Variants in CAPS2 observed in about 807,000 individuals in gnomAD.
CAPS2 encodes calcyphosin-2.
CAPS2 carries 98 observed loss-of-function variants against 86.5 expected under a neutral mutation model. The ratio of observed to expected loss-of-function variants is 1.13; its 90% CI spans 0.96 to 1.34. The LOEUF is 1.34. Among genes scored for constraint, CAPS2 ranks in the 40% most tolerant of loss-of-function variants. CAPS2 has a pLI of 0.00. For synonymous variants in CAPS2, 210 were observed against 225.1 expected (o/e 0.93, Z 0.60); for missense variants, 729 against 686.8 (o/e 1.06, Z -0.69).
intron 15 of CAPS2, among the ~76,000 whole-genome samples, chr12:75,282,587 A>G (rs1055690828): frequency 1.3e-5 from 2 of 152,054 alleles, no homozygotes; most frequent in African/African-American, 2.4e-5. Flanking sequence ...GGGTTTCGCC[A>G]TGTTGGTCAG....
chr12:75,339,511 A>G (rs548514629), intron 1 of CAPS2, among the ~76,000 whole-genome samples: 2 of 152,166 alleles, frequency 1.3e-5, no homozygotes, highest in Middle Eastern at 6.8e-3. Flanking sequence ...AGATGGATAG[A>G]TTGCTAAAAT....
In CAPS2 at chr12:75,290,935, CA is replaced by C. The variant is rs113991969; in HGVS notation, c.1240+808del. Among the ~76,000 whole-genome samples the C allele has an allele frequency of 0.01, 371 of 36,904 alleles. 3 individuals carry two copies. The Middle Eastern group carries it at 0.14, about 14-fold the overall frequency. 24.2% of individuals were successfully genotyped at this position (36,904 alleles called of 152,430 possible). A position where few individuals can be genotyped will look rare whatever the true frequency, so the allele number is the denominator to read the frequency against. On this transcript the variant is annotated intron_variant, in intron 13 of 16. Coordinates refer to ENST00000393284, the Ensembl canonical transcript of CAPS2. ...CAAGGCTCTCTCTCAAAAAAAAAAA[CA>C]AAAAAAAAACATAAATTACATGTTA...
At chr12:75,285,190 T>A in intron 14 of CAPS2, 110 bp from the exon 15 acceptor site, 2 of 1,005,778 alleles carry the variant, frequency 2.0e-6, no homozygotes, top group Non-Finnish European at 2.7e-6. Flanking sequence ...ATAACTCATT[T>A]AATAAGAAAA....
chr12:75,384,491 A>G (rs1467486598), intron 1 of CAPS2, among the ~76,000 whole-genome samples: 1 of 152,242 alleles, frequency 6.6e-6, no homozygotes, highest in Admixed American at 6.5e-5. Context: ...TTCCTATTTA[A>G]GAAATTTAAT....
chr12:75,299,627 CTT>C (rs1488174065), intron 9 of CAPS2, among the ~76,000 whole-genome samples: 3 of 152,026 alleles, frequency 2.0e-5, no homozygotes, highest in South Asian at 2.1e-4. Flanking sequence ...TTAAAGATAA[CTT>C]TTAATTAGAA....
Position 75,380,470 on chromosome 12 carries a change from TTTGC to T in CAPS2, c.-395+10364_-395+10367del, listed in dbSNP as rs150818051. Among the ~76,000 whole-genome samples the T allele has an allele frequency of 1.4e-3, 218 of 152,308 alleles. 7 individuals are homozygous for T. In the East Asian group the frequency reaches 0.04, roughly 28 times the overall value. On this transcript the variant is annotated intron_variant, in intron 1 of 5. Coordinates refer to the CAPS2 transcript ENST00000551829. ...CTCACCTGTAGTTATATTCACTGGG[TTTGC>T]TTCTTGCAGCTAGGGAAACTACATT... is the stretch of plus-strand genomic sequence containing the variant.
At chr12:75,376,587 T>C (rs764856134) in intron 1 of CAPS2, among the ~76,000 whole-genome samples, 1 of 152,190 alleles carries the variant, frequency 6.6e-6, no homozygotes, top group South Asian at 2.1e-4. Context: ...GATGGCAGTA[T>C]GGATGCGAGA....
chr12:75,363,883 G>A (rs2043787420), intron 1 of CAPS2, among the ~76,000 whole-genome samples: 1 of 152,124 alleles, frequency 6.6e-6, no homozygotes, highest in Admixed American at 6.6e-5. Flanking sequence ...ATGTACATTA[G>A]TTCTGTCCAG....
At chr12:75,341,111 CT>C (rs1291491223) in intron 1 of CAPS2, among the ~76,000 whole-genome samples, 1 of 151,596 alleles carries the variant, frequency 6.6e-6, no homozygotes, top group African/African-American at 2.4e-5. Context: ...TTTCCTTTTT[CT>C]TTTTTCCTAG....
intron 1 of CAPS2, among the ~76,000 whole-genome samples, chr12:75,375,236 T>C (rs1382428649): frequency 6.6e-6 from 1 of 152,098 alleles, no homozygotes; most frequent in Non-Finnish European, 1.5e-5. Flanking sequence ...ACAAGATTCA[T>C]CCAGGGACCC....
chr12:75,366,821 A>G (rs546553125), intron 1 of CAPS2: 102 of 698,648 alleles, frequency 1.5e-4, no homozygotes, highest in African/African-American at 1.4e-3. Context: ...AGGGCTAAAA[A>G]TGCCAAGTGA....
chr12:75,383,652 T>C (rs553357986), intron 1 of CAPS2, among the ~76,000 whole-genome samples: 41 of 152,174 alleles, frequency 2.7e-4, no homozygotes, highest in Non-Finnish European at 5.1e-4. Flanking sequence ...AGTAAGGACA[T>C]AGTTAAACTC....
intron 1 of CAPS2, among the ~76,000 whole-genome samples, chr12:75,388,304 T>C (rs1292737841): frequency 6.6e-6 from 1 of 152,226 alleles, no homozygotes; most frequent in Admixed American, 6.5e-5. Flanking sequence ...CAAACCTCTT[T>C]CCTTTATAAA....
At chr12:75,383,210 C>T (rs1419350986) in intron 1 of CAPS2, among the ~76,000 whole-genome samples, 2 of 152,034 alleles carry the variant, frequency 1.3e-5, no homozygotes, top group African/African-American at 4.8e-5. Flanking sequence ...ATAATGGGAG[C>T]TGATTCACTG....
At chr12:75,380,120 A>G (rs2044877702) in intron 1 of CAPS2, among the ~76,000 whole-genome samples, 1 of 152,188 alleles carries the variant, frequency 6.6e-6, no homozygotes, top group South Asian at 2.1e-4. Context: ...ATTTAAAAAT[A>G]AGTGTTAAAG....
chr12:75,277,983 T>C lies in CAPS2; in HGVS notation c.*907A>G, dbSNP rs964452494. 19 of 888,766 alleles carry C rather than the reference T, an allele frequency of 2.1e-5. No individual in the cohort carries two copies. The East Asian group carries it at 1.9e-3, about 90-fold the overall frequency. 55.1% of individuals were successfully genotyped at this position (888,766 alleles called of 1,614,324 possible). A position where few individuals can be genotyped will look rare whatever the true frequency, so the allele number is the denominator to read the frequency against. The stretch of plus-strand genomic sequence containing the variant: ...AGATGTTTAGAATATCATACATTCA[T>C]TTTAGGATACAAAATATGCTTTCAC... On this transcript the variant is annotated 3_prime_UTR_variant, in exon 17 of 17. Transcript: ENST00000393284.
intron 1 of CAPS2, among the ~76,000 whole-genome samples, chr12:75,387,025 A>G (rs559362604): frequency 1.3e-5 from 2 of 152,304 alleles, no homozygotes; most frequent in South Asian, 4.1e-4. Flanking sequence ...ATACAACACA[A>G]AAGGTATGAT....
intron 14 of CAPS2, among the ~76,000 whole-genome samples, chr12:75,286,153 A>G (rs1347407467): frequency 2.0e-5 from 3 of 152,056 alleles, no homozygotes; most frequent in Admixed American, 1.3e-4. Flanking sequence ...TTAGCAAATA[A>G]TAGGTACTCA....
intron 1 of CAPS2, among the ~76,000 whole-genome samples, chr12:75,339,658 G>C (rs1339991689): frequency 6.6e-6 from 1 of 151,994 alleles, no homozygotes; most frequent in African/African-American, 2.4e-5. Context: ...TGAAATATTT[G>C]CCCGTGCCTA....
Sources: gnomAD v4.1 joint callset for allele counts (sites outside exome capture counted in the v4.1 genomes callset) on GRCh38, gnomAD v4.1.1 for gene constraint, MANE v1.5 for transcripts, NCBI Gene and HGNC (gene_info 2026-07-23, HGNC 2026-07-21) for gene names.